The following OCIAD2 variants were observed in gnomAD, a reference collection of about 807,000 sequenced individuals.
OCIAD2 encodes OCIA domain-containing protein 2.
Under a neutral mutation model 22.9 loss-of-function variants are expected in OCIAD2, and 29 were observed. The ratio of observed to expected loss-of-function variants is 1.27; its 90% CI spans 0.94 to 1.73. OCIAD2 has a LOEUF of 1.73. OCIAD2 is among the 40% of genes most tolerant of loss of function. The probability of loss-of-function intolerance (pLI) is 0.00; values close to 1 mark genes in which losing one functional copy is unlikely to be tolerated. For missense variants in OCIAD2, 189 were observed against 180.3 expected, an observed-to-expected ratio of 1.05 and a Z score of -0.28; for synonymous variants, 67 against 60.2, an observed-to-expected ratio of 1.11 and a Z score of -0.52.
intron 6 of OCIAD2, among the ~76,000 whole-genome samples, chr4:48,888,931 C>G (rs1056791032): frequency 8.5e-5 from 13 of 152,270 alleles, no homozygotes; most frequent in Non-Finnish European, 1.5e-4. Flanking sequence ...CCTCTTTGTA[C>G]CTCTGGTAGA....
chr4:48,886,286 T>A lies in OCIAD2; in HGVS notation c.384-721A>T, dbSNP rs529109137. The stretch of plus-strand genomic sequence containing the variant: ...CTCTGTTCTGTTCCATTGATCTATA[T>A]CTCCTGTTTTGGTACCAGTACCATG... On this transcript the variant is annotated intron_variant, in intron 6 of 6. Coordinates refer to ENST00000508632, the MANE Select transcript of OCIAD2 (RefSeq NM_001014446.3). 2.6e-5 allele frequency among the ~76,000 whole-genome samples: 4 copies of A among 152,308 alleles called. No individual in the cohort carries two copies. In the South Asian group the frequency reaches 6.2e-4, roughly 24 times the overall value.
intron 5 of OCIAD2, chr4:48,893,300 T>C (rs1474190809): frequency 2.6e-5 from 4 of 153,244 alleles, no homozygotes; most frequent in Non-Finnish European, 5.8e-5. Flanking sequence ...ATCTTGCCTA[T>C]AGGAGAGAGG....
intron 5 of OCIAD2, chr4:48,893,774 G>T (rs1781234722): frequency 3.6e-6 from 1 of 278,882 alleles, no homozygotes; most frequent in Admixed American, 5.0e-5. Flanking sequence ...GTCAATACAG[G>T]CAGTTTAGTT....
intron 3 of OCIAD2, among the ~76,000 whole-genome samples, chr4:48,898,111 G>A (rs1282133699): frequency 6.6e-6 from 1 of 152,162 alleles, no homozygotes; most frequent in East Asian, 1.9e-4. Context: ...ACATCCACTT[G>A]TACTGAATGC....
intron 1 of OCIAD2, among the ~76,000 whole-genome samples, chr4:48,906,292 C>T (rs547517669): frequency 6.6e-6 from 1 of 152,252 alleles, no homozygotes; most frequent in Non-Finnish European, 1.5e-5. Flanking sequence ...TTCGTGGGTG[C>T]TGACCGACGA....
intron 5 of OCIAD2, 140 bp downstream of exon 5, chr4:48,893,866 G>C: frequency 2.6e-6 from 1 of 383,696 alleles, no homozygotes; most frequent in Non-Finnish European, 4.8e-6. Context: ...TAAAAAAATA[G>C]ATACAAGGTT....
At chr4:48,896,505 G>A (rs767871011) in intron 4 of OCIAD2, among the ~76,000 whole-genome samples, 32 of 152,044 alleles carry the variant, frequency 2.1e-4, no homozygotes, top group Non-Finnish European at 2.9e-4. Flanking sequence ...AGATGGGAGC[G>A]TCACTCGAGC....
chr4:48,903,623 A>G (rs935823110), intron 2 of OCIAD2, among the ~76,000 whole-genome samples: 1 of 151,242 alleles, frequency 6.6e-6, no homozygotes, highest in African/African-American at 2.4e-5. Context: ...AACAGGAAAG[A>G]GTAAAGAAAG....
At chr4:48,898,562 G>T (rs748187107) in intron 3 of OCIAD2, among the ~76,000 whole-genome samples, 4 of 152,118 alleles carry the variant, frequency 2.6e-5, no homozygotes, top group Non-Finnish European at 1.5e-5. Context: ...TGGCCCAATA[G>T]CTGTGGGTTT....
chr4:48,890,498 CAT>C (rs1451148939), intron 6 of OCIAD2, among the ~76,000 whole-genome samples: 3 of 152,116 alleles, frequency 2.0e-5, no homozygotes, highest in Non-Finnish European at 1.5e-5. Context: ...GATTTGGACA[CAT>C]ATGTGCACAT....
rs1780944602 is a variant in OCIAD2, at chr4:48,885,125, AT to A, written c.*358del. On this transcript the variant is annotated 3_prime_UTR_variant, in exon 7 of 7. Transcript: ENST00000508632. The stretch of plus-strand genomic sequence containing the variant: ...CTCAGCCTCCCTCTCAGTAGCTGGG[AT>A]TACAGGCATGTGCCACCACGCCTGG... 1 of 182,254 alleles carries A rather than the reference AT, an allele frequency of 5.5e-6. No homozygotes were observed. The highest frequency in any genetic ancestry group is 2.4e-5 in the African/African-American group (1 of 41,878). The allele number at this position is 182,254 out of a possible 1,614,324, so 11.3% of individuals were successfully genotyped here.
At chr4:48,889,859 A>G (rs1164747984) in intron 6 of OCIAD2, among the ~76,000 whole-genome samples, 1 of 152,206 alleles carries the variant, frequency 6.6e-6, no homozygotes, top group Non-Finnish European at 1.5e-5. Flanking sequence ...ACCAACCCAA[A>G]TGTCCAACAA....
At chr4:48,887,559 T>C (rs1266566417) in intron 6 of OCIAD2, among the ~76,000 whole-genome samples, 2 of 152,232 alleles carry the variant, frequency 1.3e-5, no homozygotes, top group Non-Finnish European at 2.9e-5. Context: ...TACATATGGC[T>C]AGCCAGTTTT....
Position 48,898,890 on chromosome 4 carries a change from A to C in OCIAD2, c.163+939T>G, listed in dbSNP as rs190764830. Among the ~76,000 whole-genome samples the C allele has an allele frequency of 1.3e-3, 200 of 152,306 alleles. 1 individual carries two copies. Among genetic ancestry groups the C allele is most frequent in the African/African-American group, 4.8e-3 (198 of 41,576 alleles). ...TAGCTCTTTCTAGTTCAACAAAGAC[A>C]AATCAAATAGCAACCAATTTTTCCA... On this transcript the variant is annotated intron_variant, in intron 3 of 6. Coordinates refer to ENST00000508632, the MANE Select transcript of OCIAD2 (RefSeq NM_001014446.3).
At chr4:48,905,524 C>T (rs1781506203) in intron 1 of OCIAD2, among the ~76,000 whole-genome samples, 1 of 152,042 alleles carries the variant, frequency 6.6e-6, no homozygotes, top group Non-Finnish European at 1.5e-5. Context: ...AACACCATCA[C>T]ATGGCTTAGA....
intron 2 of OCIAD2, among the ~76,000 whole-genome samples, chr4:48,900,501 G>C (rs565904962): frequency 6.6e-6 from 1 of 151,946 alleles, no homozygotes; most frequent in East Asian, 1.9e-4. Context: ...TTTATAAGTG[G>C]TGTGCACATA....
At chr4:48,889,806 G>T (rs111534013) in intron 6 of OCIAD2, among the ~76,000 whole-genome samples, 2 of 152,052 alleles carry the variant, frequency 1.3e-5, no homozygotes, top group Non-Finnish European at 2.9e-5. Flanking sequence ...CACATGCACA[G>T]GTATGTTTAT....
intron 3 of OCIAD2, 58 bp from the exon 4 acceptor site, chr4:48,897,915 A>G: frequency 8.5e-7 from 1 of 1,175,182 alleles, no homozygotes; most frequent in South Asian, 1.3e-5. Flanking sequence ...CCTCACCTAG[A>G]AGTTAGGGAA....
intron 6 of OCIAD2, among the ~76,000 whole-genome samples, chr4:48,886,156 T>G (rs2109662444): frequency 6.6e-6 from 1 of 152,320 alleles, no homozygotes; most frequent in South Asian, 2.1e-4. Context: ...CTAGCCAGTT[T>G]TCCCAGCACC....
Sources: gnomAD v4.1 joint callset for allele counts (sites outside exome capture counted in the v4.1 genomes callset) on GRCh38, gnomAD v4.1.1 for gene constraint, MANE v1.5 for transcripts, NCBI Gene and HGNC (gene_info 2026-07-23, HGNC 2026-07-21) for gene names.